Variants in MAN1C1 observed in about 807,000 individuals in gnomAD.
MAN1C1 encodes mannosidase alpha class 1C member 1.
Under a neutral mutation model 71.5 loss-of-function variants are expected in MAN1C1, and 49 were observed. The observed-to-expected ratio is 0.69, with a 90% confidence interval of 0.54 to 0.87. The LOEUF (loss-of-function observed/expected upper bound fraction) is 0.87. Ranked by LOEUF, MAN1C1 falls within the 40% of genes least tolerant of loss-of-function variation. The pLI is 0.00. For synonymous variants in MAN1C1, 352 were observed against 343.7 expected (o/e 1.02, Z -0.27); for missense variants, 743 against 835.0 (o/e 0.89, Z 1.36).
chr1:25,697,635 C>G (rs930522118), intron 2 of MAN1C1, among the ~76,000 whole-genome samples: 1 of 152,192 alleles, frequency 6.6e-6, no homozygotes, highest in Admixed American at 6.5e-5. Context: ...CCAGACTGTT[C>G]TATAGCGGCT....
intron 1 of MAN1C1, among the ~76,000 whole-genome samples, chr1:25,683,000 C>T (rs1299506391): frequency 2.7e-5 from 4 of 150,612 alleles, no homozygotes; most frequent in East Asian, 2.0e-4. Flanking sequence ...ATTTCGCCAC[C>T]GCACTCCAGC....
intron 1 of MAN1C1, among the ~76,000 whole-genome samples, chr1:25,653,471 G>A (rs1297534759): frequency 6.6e-6 from 1 of 152,180 alleles, no homozygotes; most frequent in East Asian, 1.9e-4. Flanking sequence ...GTGTTGTGTT[G>A]TGACTACTCG....
rs1009540802 is a variant in MAN1C1 at position 25,758,876 on chromosome 1, C to A, written c.1047+167C>A. 12 of 637,878 alleles carry A rather than the reference C, an allele frequency of 1.9e-5. No homozygotes were observed. The Middle Eastern group carries it at 1.3e-3, about 68-fold the overall frequency. 39.5% of individuals were successfully genotyped at this position (637,878 alleles called of 1,614,324 possible). On this transcript the variant is annotated intron_variant, in intron 6 of 11. Coordinates refer to ENST00000374332, the MANE Select transcript of MAN1C1 (RefSeq NM_020379.4). ...GGTAGCAAATAGTAGCTACCTATAC[C>A]CCAACGCCAGGTGGCAGGGAAGGTG... is the stretch of plus-strand genomic sequence containing the variant.
At position 25,722,259 on chromosome 1, in the gene MAN1C1, G is replaced by A. The variant is rs369718084; in HGVS notation, c.638-24409G>A. 3.2e-4 allele frequency among the ~76,000 whole-genome samples: 48 copies of A among 152,224 alleles called. 1 individual carries two copies. Among genetic ancestry groups the A allele is most frequent in the African/African-American group, 1.2e-3 (48 of 41,542 alleles). ...TTTCATGACGATATACCTCAGTGTA[G>A]GTCTCTTTTCATTCATTGTGCTGGG... On this transcript the variant is annotated intron_variant, in intron 2 of 11. Transcript: ENST00000374332.
chr1:25,690,667 A>G (rs2046295879), intron 2 of MAN1C1, among the ~76,000 whole-genome samples: 1 of 152,206 alleles, frequency 6.6e-6, no homozygotes, highest in African/African-American at 2.4e-5. Flanking sequence ...CAGAAAGAGC[A>G]TGGGCTTTGA....
chr1:25,669,745 A>G (rs751423673), intron 1 of MAN1C1, among the ~76,000 whole-genome samples: 3 of 152,208 alleles, frequency 2.0e-5, no homozygotes, highest in Non-Finnish European at 4.4e-5. Flanking sequence ...ATACCACTGT[A>G]CTGCACTCCT....
chr1:25,779,390 A>G lies in MAN1C1; in HGVS notation c.1477+1066A>G, dbSNP rs2047663683. 2.6e-5 allele frequency among the ~76,000 whole-genome samples: 4 copies of G among 152,180 alleles called. No individual in the cohort carries two copies. The South Asian group carries it at 8.3e-4, about 32-fold the overall frequency. On this transcript the variant is annotated intron_variant, in intron 9 of 11. Transcript: ENST00000374332. This position sits in a 1 kb window ranked among gnomAD's most constrained non-coding sequence, Gnocchi z 4.6. The stretch of plus-strand genomic sequence containing the variant: ...CACTGCAGGCACTTGCTGACCGCCC[A>G]TCATGATGTGTCTGTGCCCGCCCCA...
intron 2 of MAN1C1, among the ~76,000 whole-genome samples, chr1:25,716,430 T>G (rs953474336): frequency 3.3e-5 from 5 of 152,218 alleles, no homozygotes; most frequent in Non-Finnish European, 5.9e-5. Flanking sequence ...CCTCCCAGGC[T>G]TAAGCCATCC....
intron 6 of MAN1C1, among the ~76,000 whole-genome samples, chr1:25,762,180 G>A (rs2047370439): frequency 7.0e-6 from 1 of 142,594 alleles, no homozygotes; most frequent in Non-Finnish European, 1.5e-5. Flanking sequence ...AGGCTAAAGT[G>A]GAGTGGCACG....
At chr1:25,681,717 GTTCTC>G (rs1557763082) in intron 1 of MAN1C1, among the ~76,000 whole-genome samples, 1 of 152,116 alleles carries the variant, frequency 6.6e-6, no homozygotes, top group East Asian at 1.9e-4. Context: ...TTGCCAAACT[GTTCTC>G]CAAAGTGGCC....
intron 2 of MAN1C1, among the ~76,000 whole-genome samples, chr1:25,739,118 G>C (rs1207904818): frequency 1.3e-5 from 2 of 152,184 alleles, no homozygotes; most frequent in Admixed American, 1.3e-4. Context: ...GGATGACAGA[G>C]CAAGAGACCC....
chr1:25,675,072 T>G (rs1036018942), intron 1 of MAN1C1, among the ~76,000 whole-genome samples: 2 of 152,220 alleles, frequency 1.3e-5, no homozygotes, highest in African/African-American at 4.8e-5. Flanking sequence ...GGCTGCTTTT[T>G]ATTGATTGAT....
chr1:25,765,385 G>T (rs1260858218), intron 7 of MAN1C1, among the ~76,000 whole-genome samples: 1 of 152,138 alleles, frequency 6.6e-6, no homozygotes, highest in Admixed American at 6.6e-5. Context: ...CTGCCTCTAG[G>T]GCCTCCCAAG....
At position 25,733,508 on chromosome 1, in the gene MAN1C1, G is replaced by T. The variant is rs141296831; in HGVS notation, c.638-13160G>T. Reference sequence around the variant, plus strand: ...CTGGGCCTCCTTCAAGCCTCTGCCCGAACGCTGCCCATCTCCTGGCTGTGC... The same window carrying T: ...CTGGGCCTCCTTCAAGCCTCTGCCCTAACGCTGCCCATCTCCTGGCTGTGC... On this transcript the variant is annotated intron_variant, in intron 2 of 11. Transcript: ENST00000374332. 7.2e-5 allele frequency among the ~76,000 whole-genome samples: 11 copies of T among 152,084 alleles called. No individual in the cohort carries two copies. In the East Asian group the frequency reaches 2.1e-3, roughly 29 times the overall value.
chr1:25,691,528 A>C (rs1050318242), intron 2 of MAN1C1, among the ~76,000 whole-genome samples: 1 of 152,222 alleles, frequency 6.6e-6, no homozygotes, highest in African/African-American at 2.4e-5. Context: ...GCTTATATTC[A>C]TGCACAGCAC....
chr1:25,676,114 G>A (rs1048722598), intron 1 of MAN1C1, among the ~76,000 whole-genome samples: 4 of 152,156 alleles, frequency 2.6e-5, no homozygotes, highest in African/African-American at 9.7e-5. Context: ...CTGCCTGTAT[G>A]GCCCACACTC....
At chr1:25,660,396 C>CTTTTTT (rs1178878513) in intron 1 of MAN1C1, among the ~76,000 whole-genome samples, 4 of 97,602 alleles carry the variant, frequency 4.1e-5, no homozygotes, top group Non-Finnish European at 5.8e-5. Flanking sequence ...AGTGAAATTC[C>CTTTTTT]TTTTTTTTTT....
At chr1:25,679,673 T>G (rs1038056543) in intron 1 of MAN1C1, among the ~76,000 whole-genome samples, 1 of 152,034 alleles carries the variant, frequency 6.6e-6, no homozygotes, top group Non-Finnish European at 1.5e-5. Flanking sequence ...TTACCCTGTT[T>G]GCTTTCTCTC....
chr1:25,681,010 C>T (rs760686106), intron 1 of MAN1C1, among the ~76,000 whole-genome samples: 23 of 151,816 alleles, frequency 1.5e-4, no homozygotes, highest in Non-Finnish European at 3.1e-4. Context: ...CACCTGAGGT[C>T]AGGAGTTTGA....
Sources: allele counts gnomAD v4.1 joint callset (sites outside exome capture counted in the v4.1 genomes callset), GRCh38; gene constraint gnomAD v4.1.1; non-coding constraint Gnocchi (gnomAD v3.1); transcripts MANE v1.5; gene names NCBI Gene and HGNC (gene_info 2026-07-23, HGNC 2026-07-21).